Variants in MEGF6 observed in about 807,000 individuals in gnomAD.
MEGF6 encodes multiple epidermal growth factor-like domains protein 6.
A neutral mutation model predicts 207.1 loss-of-function variants in MEGF6; 184 were observed. The observed-to-expected ratio is 0.89, with a 90% CI of 0.79 to 1.00. The LOEUF (loss-of-function observed/expected upper bound fraction) is 1.00. Ranked by LOEUF, MEGF6 falls within the 50% of genes least tolerant of loss-of-function variation. The pLI is 0.00. For synonymous variants in MEGF6, 1,038 were observed against 910.0 expected (o/e 1.14, Z -2.53); for missense variants, 2,282 against 2,202.9 (o/e 1.04, Z -0.72).
chr1:3,554,308 C>T (rs1642973688), intron 4 of MEGF6, among the ~76,000 whole-genome samples: 1 of 152,014 alleles, frequency 6.6e-6, no homozygotes, highest in Admixed American at 6.5e-5. Flanking sequence ...GAGAGAGTGT[C>T]GCTGGGGGAT....
intron 4 of MEGF6, among the ~76,000 whole-genome samples, chr1:3,553,483 C>A (rs560739947): frequency 7.2e-5 from 11 of 152,254 alleles, no homozygotes; most frequent in African/African-American, 2.2e-4. Context: ...GAGGCTGGAG[C>A]CACGGGAGAG....
intron 4 of MEGF6, among the ~76,000 whole-genome samples, chr1:3,544,241 A>G (rs6687515): frequency 0.15 from 19,785 of 136,238 alleles, 1,806 homozygotes; most frequent in African/African-American, 0.4. Context: ...TCCCCCCAGC[A>G]TCGCAGCGGC....
chr1:3,617,983 G>A, the MEGF6 span, among the ~76,000 whole-genome samples: 13 of 152,142 alleles, frequency 8.5e-5, no homozygotes, highest in African/African-American at 1.9e-4. Context: ...GGGAGCCCCC[G>A]GCCCAGAGAG....
chr1:3,580,949 C>T (rs1029178300), intron 3 of MEGF6, among the ~76,000 whole-genome samples: 4 of 152,056 alleles, frequency 2.6e-5, no homozygotes, highest in African/African-American at 7.2e-5. Context: ...GGGGCCCTGC[C>T]GGTGGCTGGG....
At position 3,499,939 on chromosome 1, in the gene MEGF6, C is replaced by T. The variant is rs924715875; in HGVS notation, c.2708-15G>A. 2 of 1,549,242 alleles carry T rather than the reference C, an allele frequency of 1.3e-6. No individual in the cohort carries two copies. The highest frequency in any genetic ancestry group is 2.7e-5 in the African/African-American group (2 of 73,264). On this transcript the variant is annotated splice_polypyrimidine_tract_variant and intron_variant, in intron 21 of 36. Transcript: ENST00000356575. ...CTGGGGACACTCTGAGATATGCAGC[C>T]CCGGCCCACAGTCAGCCAGAGGGCC... is the stretch of plus-strand genomic sequence containing the variant.
chr1:3,520,719 A>G (rs1397743628), intron 5 of MEGF6, among the ~76,000 whole-genome samples: 1 of 152,162 alleles, frequency 6.6e-6, no homozygotes, highest in Non-Finnish European at 1.5e-5. Context: ...CTTCTTGTAG[A>G]TTCTCGCTTT....
chr1:3,577,114 G>A (rs956477313), intron 4 of MEGF6, among the ~76,000 whole-genome samples: 4 of 151,982 alleles, frequency 2.6e-5, no homozygotes, highest in South Asian at 2.1e-4. Context: ...CCGCACCCTC[G>A]GCTCTGCACA....
At chr1:3,510,048 G>A in intron 10 of MEGF6, 56 bp from the exon 11 acceptor site, 9 of 1,547,208 alleles carry the variant, frequency 5.8e-6, no homozygotes, top group Non-Finnish European at 7.8e-6. Context: ...AACCAGGAAG[G>A]CCCCTGCCCA....
the MEGF6 span, among the ~76,000 whole-genome samples, chr1:3,617,704 G>C: frequency 4.6e-5 from 7 of 152,236 alleles, no homozygotes; most frequent in Non-Finnish European, 8.8e-5. Flanking sequence ...TCAAGTAAAG[G>C]ATCTCCGGAT....
chr1:3,494,240 T>G (rs1464487170), intron 32 of MEGF6, 116 bp from the exon 33 acceptor site: 3 of 1,466,916 alleles, frequency 2.0e-6, no homozygotes, highest in Non-Finnish European at 2.7e-6. Context: ...CTCCTGCCCG[T>G]CCTCGTCCCT....
intron 4 of MEGF6, 133 bp from the exon 5 acceptor site, chr1:3,524,379 A>C (rs12049449): frequency 0.21 from 235,256 of 1,141,566 alleles, 27,401 homozygotes; most frequent in African/African-American, 0.41. Context: ...TGAGCCCCTC[A>C]CCCACATCTG....
rs7543634 is a variant in MEGF6 at position 3,514,671 on chromosome 1, A to C, written c.732T>G (p.Arg244=). ...CGTTCCTGTTGGCACACGGGCTTCT[A>C]CCTGCAGCCACGGGCCCGAGGAGGG... The part of the protein sequence containing the change: ...QLQEDGRHCV[R]RSPCANRNGS... Residue 244 remains arginine (R), a splice_region_variant and synonymous_variant, in exon 7 of 37, where the codon CGT becomes CGG. Transcript: ENST00000356575. The C allele has an allele frequency of 8.3e-3, 13,141 of 1,573,906 alleles. 848 individuals are homozygous for C. In the African/African-American group the frequency reaches 0.15, roughly 18 times the overall value.
At chr1:3,567,528 GC>G (rs77661277) in intron 4 of MEGF6, among the ~76,000 whole-genome samples, 4 of 152,004 alleles carry the variant, frequency 2.6e-5, no homozygotes, top group Admixed American at 6.5e-5. Context: ...GCATGGACAT[GC>G]CCCCCCCAGG....
At chr1:3,579,251 C>T (rs1032618874) in intron 4 of MEGF6, among the ~76,000 whole-genome samples, 6 of 152,236 alleles carry the variant, frequency 3.9e-5, no homozygotes, top group Admixed American at 6.5e-5. Flanking sequence ...CGCATTGGCA[C>T]GCACTTTTCT....
At chr1:3,596,636 C>T (rs1284440317) in intron 2 of MEGF6, among the ~76,000 whole-genome samples, 2 of 98,062 alleles carry the variant, frequency 2.0e-5, no homozygotes, top group Non-Finnish European at 4.1e-5. Flanking sequence ...CCTGCCCAGC[C>T]CCCGTCTCCA....
At chr1:3,510,981 C>G (rs1272205391) in intron 9 of MEGF6, 79 bp from the exon 10 acceptor site, 2 of 1,526,458 alleles carry the variant, frequency 1.3e-6, no homozygotes. Context: ...CAACTGCATA[C>G]GACCACACAC....
intron 4 of MEGF6, among the ~76,000 whole-genome samples, chr1:3,540,813 G>A (rs947346): frequency 0.081 from 12,259 of 152,210 alleles, 621 homozygotes; most frequent in South Asian, 0.14. Context: ...CACTGCCTAC[G>A]AGGCCCCACC....
At chr1:3,555,091 T>A (rs980504162) in intron 4 of MEGF6, among the ~76,000 whole-genome samples, 4 of 152,174 alleles carry the variant, frequency 2.6e-5, no homozygotes, top group African/African-American at 4.8e-5. Flanking sequence ...GACCAAAGCC[T>A]GGATCCCACC....
intron 3 of MEGF6, among the ~76,000 whole-genome samples, chr1:3,582,209 C>T (rs555552481): frequency 5.3e-5 from 8 of 152,230 alleles, no homozygotes; most frequent in Non-Finnish European, 1.0e-4. Flanking sequence ...AAGGAGGACA[C>T]GGAGACCAAT....
Sources: allele counts gnomAD v4.1 joint callset (sites outside exome capture counted in the v4.1 genomes callset), GRCh38; gene constraint gnomAD v4.1.1; transcripts MANE v1.5; gene names NCBI Gene and HGNC (gene_info 2026-07-23, HGNC 2026-07-21).